NBPF15: variants seen among roughly 807,000 people sequenced by gnomAD.
NBPF15 encodes NBPF family member NBPF15.
In NBPF15, 74 loss-of-function variants were observed where a neutral mutation model predicts 62.2. That is an observed-to-expected ratio of 1.19 (90% CI 0.99 to 1.44). The LOEUF (loss-of-function observed/expected upper bound fraction) is 1.44, where lower values mean the gene tolerates loss of function less well. Ranked by LOEUF, NBPF15 falls within the 40% of genes most tolerant of loss-of-function variation. The probability of loss-of-function intolerance (pLI) is 0.00; values close to 1 mark genes in which losing one functional copy is unlikely to be tolerated. For synonymous variants in NBPF15, 244 were observed against 209.7 expected (o/e 1.16, Z -1.41); for missense variants, 790 against 550.0 (o/e 1.44, Z -4.36).
At chr1:144,451,455 C>T (rs1384983272) in intron 4 of NBPF15, among the ~76,000 whole-genome samples, 15 of 151,246 alleles carry the variant, frequency 9.9e-5, no homozygotes, top group Middle Eastern at 3.2e-3. Context: ...TTACGGGTGT[C>T]GGGCTGGGGG....
chr1:144,423,122 A>C lies in NBPF15; in HGVS notation c.1904T>G (p.Phe635Cys). Residue 635 changes from phenylalanine to cysteine, a missense_variant, in exon 22 of 22, where the codon TTT becomes TGT. Physicochemically the swap from Phe to Cys is radical, Grantham distance 205. Coordinates refer to ENST00000581897, the MANE Select transcript of NBPF15 (RefSeq NM_001385408.1). ...FQHYRSVFYS[F>C]EEEHISFALY... ...GGCGAAGCTGATATGCTCTTCCTCA[A>C]ATGAGTAAAACACACTTCTGTAGTG... The C allele has an allele frequency of 6.2e-7, 1 of 1,611,604 alleles. No homozygotes were observed. The highest frequency in any genetic ancestry group is 8.5e-7 in the Non-Finnish European group (1 of 1,179,610).
chr1:144,437,261 A>G (rs1679210715), intron 9 of NBPF15, 152 bp from the exon 10 acceptor site: 4 of 811,324 alleles, frequency 4.9e-6, no homozygotes, highest in East Asian at 2.5e-5. Flanking sequence ...GCCAAGAGAA[A>G]GAATAGAAAA....
intron 6 of NBPF15, among the ~76,000 whole-genome samples, chr1:144,443,353 C>T (rs1358313937): frequency 2.0e-4 from 31 of 151,966 alleles, no homozygotes; most frequent in Admixed American, 2.0e-3. Context: ...TTTAAAATTA[C>T]TGTAGCTTTA....
intron 21 of NBPF15, among the ~76,000 whole-genome samples, 153 bp downstream of exon 21, chr1:144,423,717 T>A (rs1238661145): frequency 6.6e-6 from 1 of 151,896 alleles, no homozygotes; most frequent in East Asian, 1.9e-4. Flanking sequence ...AATGGAAACC[T>A]AAACATCTAC....
intron 6 of NBPF15, among the ~76,000 whole-genome samples, chr1:144,447,652 A>G (rs587727162): frequency 6.6e-6 from 1 of 152,076 alleles, no homozygotes; most frequent in South Asian, 2.1e-4. Flanking sequence ...AATACTAGCT[A>G]ATAATGCCAG....
intron 12 of NBPF15, among the ~76,000 whole-genome samples, chr1:144,434,860 G>A (rs77772638): frequency 6.6e-6 from 1 of 151,980 alleles, no homozygotes; most frequent in African/African-American, 2.4e-5. Flanking sequence ...TGACAGATAT[G>A]GCCTGTGCAC....
intron 12 of NBPF15, among the ~76,000 whole-genome samples, chr1:144,434,068 CAA>C (rs1192053713): frequency 6.8e-6 from 1 of 146,186 alleles, no homozygotes; most frequent in Admixed American, 6.6e-5. Context: ...CTGCCTGAGT[CAA>C]AGTTAAACAA....
rs1553538625 is a variant in NBPF15, at chr1:144,423,322, T to C, written c.1770-66A>G. 3.1e-6 allele frequency: 5 copies of C among 1,610,870 alleles called. No individual in the cohort carries two copies. In the East Asian group the frequency reaches 1.1e-4, roughly 36 times the overall value. On this transcript the variant is annotated intron_variant, in intron 21 of 21. Coordinates refer to ENST00000581897, the MANE Select transcript of NBPF15 (RefSeq NM_001385408.1). ...TCAGACACCACAGAGCCCCACTAGA[T>C]TTCAGAAGTAATATAAGGAAGTGGT...
chr1:144,461,308 C>T (rs1267928387), intron 1 of NBPF15, 73 bp downstream of exon 1: 2 of 151,720 alleles, frequency 1.3e-5, no homozygotes, highest in African/African-American at 4.8e-5. Flanking sequence ...CCGCCTCGCC[C>T]TCCGTCGCTC....
chr1:144,435,008 A>G, intron 12 of NBPF15, 103 bp downstream of exon 12: 1 of 1,603,556 alleles, frequency 6.2e-7, no homozygotes, highest in Non-Finnish European at 8.5e-7. Flanking sequence ...GAAACCCATC[A>G]CAGTTTTTTA....
At chr1:144,449,211 C>A (rs1302572615) in intron 5 of NBPF15, among the ~76,000 whole-genome samples, 1 of 146,306 alleles carries the variant, frequency 6.8e-6, no homozygotes, top group Non-Finnish European at 1.5e-5. Context: ...TTGGAAGTAG[C>A]AAAAGCTTTC....
chr1:144,442,342 GTA>G (rs1238808139), intron 6 of NBPF15, among the ~76,000 whole-genome samples: 7 of 124,500 alleles, frequency 5.6e-5, no homozygotes, highest in African/African-American at 1.3e-4. Flanking sequence ...CGTGTGCCAT[GTA>G]TATATATATA....
At chr1:144,445,319 C>G (rs1376874537) in intron 6 of NBPF15, among the ~76,000 whole-genome samples, 1 of 98,882 alleles carries the variant, frequency 1.0e-5, no homozygotes, top group Admixed American at 1.1e-4. Context: ...AGATGATAAT[C>G]TTCAAAACGG....
rs140901394 is a variant in NBPF15 at position 144,423,022 on chromosome 1, G to A, written c.2004C>T (p.Phe668=). Residue 668 remains phenylalanine, a synonymous_variant, in exon 22 of 22, where the codon TTC becomes TTT. Coordinates refer to ENST00000581897, the MANE Select transcript of NBPF15 (RefSeq NM_001385408.1). ...GCTTAGTAAGAGCTGCTTATTGTGG[G>A]AATATGACTCCCATCTGGAACACCA... is the stretch of plus-strand genomic sequence containing the variant. The part of the protein sequence containing the change: ...LHLVFQMGVI[F]PQ 4.0e-4 allele frequency: 650 copies of A among 1,611,644 alleles called. 5 individuals are homozygous for A. The African/African-American group carries it at 6.5e-3, about 16-fold the overall frequency.
Position 144,422,872 on chromosome 1 carries a change from GT to G in NBPF15, c.*140del. ...TTGAGCACAGGTTGCCAATGGCATG[GT>G]TTGAGAATAGGAATAGAGCCATGCT... On this transcript the variant is annotated 3_prime_UTR_variant, in exon 22 of 22. Coordinates refer to ENST00000581897, the MANE Select transcript of NBPF15 (RefSeq NM_001385408.1). The G allele has an allele frequency of 1.9e-6, 3 of 1,584,112 alleles. No individual in the cohort carries two copies. The highest frequency in any genetic ancestry group is 2.6e-6 in the Non-Finnish European group (3 of 1,166,830).
chr1:144,436,267 A>C (rs1358209208), intron 10 of NBPF15, among the ~76,000 whole-genome samples: 3 of 143,570 alleles, frequency 2.1e-5, no homozygotes, highest in Non-Finnish European at 4.4e-5. Flanking sequence ...ATGCATCAGA[A>C]GATTTCAAGC....
At position 144,423,240 on chromosome 1, in the gene NBPF15, T is replaced by G. The variant is rs1558595427; in HGVS notation, c.1786A>C (p.Met596Leu). 5.6e-6 allele frequency: 9 copies of G among 1,611,300 alleles called. No homozygotes were observed. Among genetic ancestry groups the G allele is most frequent in the Non-Finnish European group, 7.6e-6 (9 of 1,179,564 alleles). ...AAGACTTCAGGCTCTTCCACTTCCATCAGCACGCCGTAGAGCCTGGAAAAG... is the reference window on the plus strand; with the variant it reads ...AAGACTTCAGGCTCTTCCACTTCCAGCAGCACGCCGTAGAGCCTGGAAAAG... The part of the protein sequence containing the change: ...PPCPRLYGVL[M>L]EVEEPEVLQD... Residue 596 changes from methionine to leucine, a missense_variant, in exon 22 of 22, where the codon ATG becomes CTG. By Grantham distance (15) the Met-to-Leu change is conservative (BLOSUM62 2). Transcript: ENST00000581897.
chr1:144,452,016 G>A (rs1191589156), intron 4 of NBPF15, among the ~76,000 whole-genome samples: 7 of 151,384 alleles, frequency 4.6e-5, no homozygotes, highest in Non-Finnish European at 1.0e-4. Flanking sequence ...GCCAGGTGTG[G>A]TAGCAGGCGC....
Position 144,427,909 on chromosome 1 carries a change from A to G in NBPF15, c.1122T>C (p.Gly374=), listed in dbSNP as rs1553539596. ...SLDRCYSTPS[G]CLELTDSCQP... ...GGCATGAGTCAGTCAGTTCAAGACA[A>G]CCTGAAGGAGTTGAATAACATCTAT... Residue 374 remains glycine (G), a synonymous_variant, in exon 16 of 22, where the codon GGT becomes GGC. Coordinates refer to ENST00000581897, the MANE Select transcript of NBPF15 (RefSeq NM_001385408.1). 1.5e-6 allele frequency: 1 copy of G among 678,778 alleles called. No homozygotes were observed. 42.0% of individuals were successfully genotyped at this position (678,778 alleles called of 1,614,324 possible).
Sources: allele counts gnomAD v4.1 joint callset (sites outside exome capture counted in the v4.1 genomes callset), GRCh38; gene constraint gnomAD v4.1.1; transcripts MANE v1.5; gene names NCBI Gene and HGNC (gene_info 2026-07-23, HGNC 2026-07-21).